The following SDK1 variants were observed in gnomAD, a reference collection of about 807,000 sequenced individuals.
The protein encoded by SDK1 is sidekick cell adhesion molecule 1.
In SDK1, 157 loss-of-function variants were observed where a neutral mutation model predicts 245.5. That is an observed-to-expected ratio of 0.64 (90% CI 0.56 to 0.73). The LOEUF (loss-of-function observed/expected upper bound fraction) is 0.73, where lower values mean the gene tolerates loss of function less well. SDK1 is among the 30% of genes least tolerant of loss of function. The probability of loss-of-function intolerance (pLI) is 0.00; values close to 1 mark genes in which losing one functional copy is unlikely to be tolerated. For missense variants in SDK1, 3,583 were observed against 3,002.3 expected (o/e 1.19, Z -4.52); for synonymous variants, 1,647 against 1,278.5 (o/e 1.29, Z -6.15).
chr7:3,330,301 C>G (rs1226179805), intron 1 of SDK1, among the ~76,000 whole-genome samples: 1 of 152,110 alleles, frequency 6.6e-6, no homozygotes, highest in Non-Finnish European at 1.5e-5. Context: ...ATTTCCAATA[C>G]CAGTGTGTGA....
intron 4 of SDK1, among the ~76,000 whole-genome samples, chr7:3,651,795 T>G (rs1783022130): frequency 6.6e-6 from 1 of 152,084 alleles, no homozygotes; most frequent in African/African-American, 2.4e-5. Flanking sequence ...TCAGGTTGCC[T>G]CAGAGGAACG....
intron 1 of SDK1, among the ~76,000 whole-genome samples, chr7:3,460,704 T>C (rs1780807446): frequency 6.6e-6 from 1 of 152,188 alleles, no homozygotes; most frequent in Non-Finnish European, 1.5e-5. Context: ...TCAAGTGGCT[T>C]TGTTTAATCA....
At chr7:3,321,580 C>A (rs1779803386) in intron 1 of SDK1, among the ~76,000 whole-genome samples, 1 of 152,148 alleles carries the variant, frequency 6.6e-6, no homozygotes, top group South Asian at 2.1e-4. Flanking sequence ...ATTTTACATA[C>A]AGTATGTGAA....
intron 17 of SDK1, among the ~76,000 whole-genome samples, chr7:4,046,912 TA>T (rs1387043871): frequency 6.6e-6 from 1 of 152,076 alleles, no homozygotes; most frequent in Non-Finnish European, 1.5e-5. Context: ...TTTTATTCAC[TA>T]TATTGATTGG....
At chr7:3,616,665 G>A (rs945222085) in intron 1 of SDK1, among the ~76,000 whole-genome samples, 3 of 152,066 alleles carry the variant, frequency 2.0e-5, no homozygotes, top group East Asian at 1.9e-4. Flanking sequence ...TGAGAGGTTG[G>A]TAATATTGTA....
At chr7:3,715,643 G>C (rs6946053) in intron 4 of SDK1, among the ~76,000 whole-genome samples, 13,003 of 152,208 alleles carry the variant, frequency 0.085, 640 homozygotes, top group Middle Eastern at 0.14. Flanking sequence ...AGTAGGCAAA[G>C]TCCTATACCC....
chr7:3,952,900 A>G (rs1780943533), intron 7 of SDK1, among the ~76,000 whole-genome samples: 1 of 152,154 alleles, frequency 6.6e-6, no homozygotes, highest in Non-Finnish European at 1.5e-5. Context: ...TTGTGAGGCA[A>G]GTGACTTTAT....
intron 4 of SDK1, among the ~76,000 whole-genome samples, chr7:3,697,669 A>G (rs531920833): frequency 5.4e-4 from 82 of 152,238 alleles, no homozygotes; most frequent in African/African-American, 1.8e-3. Context: ...TTTTACTTCT[A>G]AAGCTGATGT....
chr7:4,058,272 A>G (rs976560004), intron 19 of SDK1, among the ~76,000 whole-genome samples: 50 of 152,092 alleles, frequency 3.3e-4, no homozygotes, highest in African/African-American at 1.2e-3. Flanking sequence ...AAAATACAAT[A>G]GTAAGCTTCG....
intron 35 of SDK1, among the ~76,000 whole-genome samples, chr7:4,182,755 G>A (rs1461148322): frequency 6.6e-6 from 1 of 152,236 alleles, no homozygotes; most frequent in African/African-American, 2.4e-5. Flanking sequence ...GCAGTAGGGA[G>A]GGAGAGGCAG....
chr7:3,969,234 C>G (rs1337242394), intron 10 of SDK1, 23 bp from the exon 11 acceptor site: 2 of 1,557,360 alleles, frequency 1.3e-6, no homozygotes, highest in Admixed American at 1.8e-5. Flanking sequence ...TGTAACATGC[C>G]TCTTTTCTCC....
At chr7:3,693,444 A>C (rs1011970294) in intron 4 of SDK1, among the ~76,000 whole-genome samples, 9 of 152,202 alleles carry the variant, frequency 5.9e-5, no homozygotes, top group African/African-American at 1.7e-4. Flanking sequence ...TAAAAGTATA[A>C]ATCGGTTTGA....
intron 44 of SDK1, among the ~76,000 whole-genome samples, chr7:4,253,587 T>C (rs970331054): frequency 6.6e-6 from 1 of 152,184 alleles, no homozygotes; most frequent in Non-Finnish European, 1.5e-5. Context: ...CCTATCCACT[T>C]GAGAAGAATG....
intron 1 of SDK1, among the ~76,000 whole-genome samples, chr7:3,368,023 C>T (rs528983997): frequency 4.1e-4 from 62 of 152,296 alleles, no homozygotes; most frequent in African/African-American, 1.4e-3. Flanking sequence ...GCCATCACAT[C>T]ATCAGATCTC....
At chr7:4,239,997 T>C (rs1327134550) in intron 42 of SDK1, among the ~76,000 whole-genome samples, 1 of 152,248 alleles carries the variant, frequency 6.6e-6, no homozygotes, top group East Asian at 1.9e-4. Context: ...TATTTGCTTC[T>C]ATAATGTTAA....
intron 40 of SDK1, among the ~76,000 whole-genome samples, chr7:4,225,223 G>C (rs996770650): frequency 1.3e-4 from 19 of 151,666 alleles, no homozygotes; most frequent in Non-Finnish European, 2.5e-4. Flanking sequence ...TGTTACCACT[G>C]GGGGACACTG....
chr7:3,660,252 A>G (rs769544122), intron 4 of SDK1, among the ~76,000 whole-genome samples: 2 of 152,024 alleles, frequency 1.3e-5, no homozygotes, highest in Non-Finnish European at 2.9e-5. Context: ...AAAATATGGA[A>G]AGGGACAGCC....
chr7:4,070,485 G>T (rs949558323), intron 20 of SDK1, among the ~76,000 whole-genome samples: 3 of 152,174 alleles, frequency 2.0e-5, no homozygotes, highest in African/African-American at 7.2e-5. Context: ...GCTCCTGGGA[G>T]GTCACTGCAG....
chr7:3,821,027 G>A (rs755319253), intron 4 of SDK1, among the ~76,000 whole-genome samples: 4 of 152,178 alleles, frequency 2.6e-5, no homozygotes, highest in African/African-American at 9.7e-5. Flanking sequence ...AGGCTCCCTC[G>A]AGGTGGAGAA....
Sources: gnomAD v4.1 joint callset for allele counts (sites outside exome capture counted in the v4.1 genomes callset) on GRCh38, gnomAD v4.1.1 for gene constraint, MANE v1.5 for transcripts, NCBI Gene and HGNC (gene_info 2026-07-23, HGNC 2026-07-21) for gene names.